The following CLIP2 variants were observed in gnomAD, a reference collection of about 807,000 sequenced individuals.
The protein encoded by CLIP2 is CAP-Gly domain-containing linker protein 2.
Under a neutral mutation model 111.7 loss-of-function variants are expected in CLIP2, and 41 were observed. The ratio of observed to expected loss-of-function variants is 0.37; its 90% confidence interval spans 0.29 to 0.48. The LOEUF is 0.48. Among genes scored for constraint, CLIP2 ranks in the 20% least tolerant of loss-of-function variants. CLIP2 has a pLI of 0.99. For synonymous variants in CLIP2, 660 were observed against 644.2 expected (o/e 1.02, Z -0.37); for missense variants, 1,160 against 1,422.1 (o/e 0.82, Z 2.96).
Position 74,338,709 on chromosome 7 carries a change from G to T in CLIP2, c.383G>T (p.Arg128Leu). Reference protein sequence around the residue: ...GKNDGAVGGVRYFECPALQGI... With the variant: ...GKNDGAVGGVLYFECPALQGI... ...AATGATGGCGCGGTGGGCGGCGTGC[G>T]CTACTTCGAGTGCCCGGCCCTCCAG... The change falls in exon 3 of 17, where the codon CGC becomes CTC. Residue 128 changes from arginine to leucine, a missense_variant. By Grantham distance (102) the Arg-to-Leu change is moderately radical (BLOSUM62 -2). Transcript: ENST00000223398. The surrounding 1 kb of genome is among the most constrained non-coding windows in gnomAD (Gnocchi z 4.3). 6.3e-7 allele frequency: 1 copy of T among 1,587,752 alleles called. No individual in the cohort carries two copies. Among genetic ancestry groups the T allele is most frequent in the Non-Finnish European group, 8.5e-7 (1 of 1,171,004 alleles).
At chr7:74,368,526 A>AAAT (rs200586403) in intron 8 of CLIP2, among the ~76,000 whole-genome samples, 1,560 of 151,364 alleles carry the variant, frequency 0.01, 27 homozygotes, top group African/African-American at 0.036. Context: ...CAAAATAAAT[A>AAAT]AATAAATAAA....
At chr7:74,345,089 C>CA (rs1403635626) in intron 3 of CLIP2, among the ~76,000 whole-genome samples, 1 of 152,154 alleles carries the variant, frequency 6.6e-6, no homozygotes, top group Non-Finnish European at 1.5e-5. Context: ...ATGGAAATGT[C>CA]AGATTTGGAA....
chr7:74,307,820 G>A (rs1043934824), intron 1 of CLIP2, among the ~76,000 whole-genome samples: 4 of 151,566 alleles, frequency 2.6e-5, no homozygotes, highest in Non-Finnish European at 5.9e-5. Flanking sequence ...GGAGGCTGCT[G>A]GGGGGTGGTT....
intron 15 of CLIP2, among the ~76,000 whole-genome samples, chr7:74,401,218 C>T (rs1386508214): frequency 2.8e-5 from 4 of 145,410 alleles, no homozygotes; most frequent in Non-Finnish European, 3.0e-5. Context: ...TGATCTAAAG[C>T]GGGAGGCAGC....
chr7:74,340,947 A>G (rs1308979607), intron 3 of CLIP2, among the ~76,000 whole-genome samples: 1 of 152,106 alleles, frequency 6.6e-6, no homozygotes, highest in Non-Finnish European at 1.5e-5. Context: ...GACCCAGAGC[A>G]GGGATCCCCA....
At chr7:74,363,350 T>C (rs1220800621) in intron 7 of CLIP2, among the ~76,000 whole-genome samples, 1 of 152,132 alleles carries the variant, frequency 6.6e-6, no homozygotes, top group Non-Finnish European at 1.5e-5. Flanking sequence ...GGCCTGTGTC[T>C]CTCCCCTGCG....
chr7:74,293,531 C>T (rs545672344), intron 1 of CLIP2, among the ~76,000 whole-genome samples: 1 of 152,248 alleles, frequency 6.6e-6, no homozygotes, highest in South Asian at 2.1e-4. Flanking sequence ...GAAGCCCACC[C>T]GCCTCTGCTC....
chr7:74,328,742 TA>T (rs1334782267), intron 2 of CLIP2, among the ~76,000 whole-genome samples: 7 of 152,080 alleles, frequency 4.6e-5, no homozygotes, highest in African/African-American at 9.7e-5. Flanking sequence ...GTGGTATTGG[TA>T]AAATGCCTTT....
intron 3 of CLIP2, among the ~76,000 whole-genome samples, chr7:74,344,946 T>C (rs1414622063): frequency 1.3e-5 from 2 of 151,938 alleles, no homozygotes; most frequent in Admixed American, 6.6e-5. Flanking sequence ...TGGGATCTGG[T>C]CTGGAATCAA....
At chr7:74,312,926 C>CA (rs1554728704) in intron 1 of CLIP2, among the ~76,000 whole-genome samples, 1 of 152,106 alleles carries the variant, frequency 6.6e-6, no homozygotes, top group Non-Finnish European at 1.5e-5. Flanking sequence ...CGGATGCCCT[C>CA]ACGCACATTC....
rs1790147818 is a variant in CLIP2 at position 74,356,467 on chromosome 7, T to C, written c.861T>C (p.Arg287=). The C allele has an allele frequency of 6.2e-7, 1 of 1,614,078 alleles. No homozygotes were observed. Among genetic ancestry groups the C allele is most frequent in the Non-Finnish European group, 8.5e-7 (1 of 1,180,056 alleles). ...GLFAPIHKVI[R]IGFPSTSPAK... is the part of the protein sequence containing the mutation. ...TCGCGCCCATCCACAAAGTGATCCG[T>C]ATCGGCTTCCCATCTACCAGCCCAG... is the stretch of plus-strand genomic sequence containing the variant. Residue 287 remains arginine, a synonymous_variant, in exon 5 of 17, where the codon CGT becomes CGC. Coordinates refer to ENST00000223398, the MANE Select transcript of CLIP2 (RefSeq NM_003388.5).
intron 3 of CLIP2, among the ~76,000 whole-genome samples, chr7:74,345,151 G>A (rs1789768750): frequency 6.6e-6 from 1 of 152,194 alleles, no homozygotes; most frequent in Admixed American, 6.6e-5. Context: ...GAGATGGTGG[G>A]ACAGGAGCTA....
chr7:74,315,386 G>T (rs1401895900), intron 1 of CLIP2, among the ~76,000 whole-genome samples: 2 of 150,114 alleles, frequency 1.3e-5, no homozygotes, highest in African/African-American at 4.9e-5. Context: ...TGTAATCTTT[G>T]CTTTTAGCCC....
At chr7:74,330,724 G>A (rs1789255626) in intron 2 of CLIP2, among the ~76,000 whole-genome samples, 2 of 152,030 alleles carry the variant, frequency 1.3e-5, no homozygotes, top group Non-Finnish European at 2.9e-5. Context: ...TGTTTTAAAG[G>A]TTGCTTAATA....
chr7:74,337,195 C>T (rs1246721997), intron 2 of CLIP2, among the ~76,000 whole-genome samples: 3 of 152,016 alleles, frequency 2.0e-5, no homozygotes, highest in Non-Finnish European at 4.4e-5. Context: ...GCCACCCTTC[C>T]ACTTTCCGGG....
chr7:74,355,045 C>T (rs1474527336), intron 4 of CLIP2, among the ~76,000 whole-genome samples: 4 of 152,100 alleles, frequency 2.6e-5, no homozygotes, highest in Non-Finnish European at 4.4e-5. Context: ...ATGTCTGTCA[C>T]GGATGTGGAC....
At chr7:74,311,962 C>T (rs1371245284) in intron 1 of CLIP2, among the ~76,000 whole-genome samples, 1 of 151,158 alleles carries the variant, frequency 6.6e-6, no homozygotes, top group Non-Finnish European at 1.5e-5. Flanking sequence ...GAATGCAAGT[C>T]GGGCCAGGCA....
chr7:74,319,514 A>C (rs1234819824), intron 2 of CLIP2, among the ~76,000 whole-genome samples: 2 of 151,722 alleles, frequency 1.3e-5, no homozygotes, highest in Non-Finnish European at 2.9e-5. Flanking sequence ...TCAAAAAATA[A>C]AATAAAATAA....
At chr7:74,355,673 G>A (rs1443272881) in intron 4 of CLIP2, among the ~76,000 whole-genome samples, 1 of 152,206 alleles carries the variant, frequency 6.6e-6, no homozygotes, top group African/African-American at 2.4e-5. Context: ...CGTGACCAGA[G>A]AGGTCTTGAC....
Sources: allele counts gnomAD v4.1 joint callset (sites outside exome capture counted in the v4.1 genomes callset), GRCh38; gene constraint gnomAD v4.1.1; non-coding constraint Gnocchi (gnomAD v3.1); transcripts MANE v1.5; gene names NCBI Gene and HGNC (gene_info 2026-07-23, HGNC 2026-07-21).